RABGAP1L: variants seen among roughly 807,000 people sequenced by gnomAD.
RABGAP1L encodes rab GTPase-activating protein 1-like.
A neutral mutation model predicts 137.7 loss-of-function variants in RABGAP1L; 63 were observed. The ratio of observed to expected loss-of-function variants is 0.46; its 90% CI spans 0.37 to 0.56. RABGAP1L has a LOEUF of 0.56. RABGAP1L is among the 20% of genes least tolerant of loss of function. The pLI is 0.00. For synonymous variants in RABGAP1L, 431 were observed against 433.7 expected, an observed-to-expected ratio of 0.99 and a Z score of 0.08; for missense variants, 1,095 against 1,244.0, an observed-to-expected ratio of 0.88 and a Z score of 1.80.
chr1:174,204,229 G>A (rs888763936), intron 1 of RABGAP1L, among the ~76,000 whole-genome samples: 3 of 152,172 alleles, frequency 2.0e-5, no homozygotes, highest in Non-Finnish European at 2.9e-5. Context: ...GGGATTATAC[G>A]TGTGAGCCAC....
At chr1:174,595,875 G>T (rs1162391154) in intron 13 of RABGAP1L, among the ~76,000 whole-genome samples, 1 of 106,548 alleles carries the variant, frequency 9.4e-6, no homozygotes. Context: ...AGCTGTGGTG[G>T]GCTCCACCCA....
At chr1:174,844,202 T>C (rs983065862) in intron 19 of RABGAP1L, among the ~76,000 whole-genome samples, 2 of 124,776 alleles carry the variant, frequency 1.6e-5, no homozygotes, top group Admixed American at 1.7e-4. Context: ...GTAGTTTCTT[T>C]TGCTGTGCAG....
chr1:174,221,258 C>G, intron 3 of RABGAP1L, 94 bp downstream of exon 3: 1 of 1,013,184 alleles, frequency 9.9e-7, no homozygotes, highest in Non-Finnish European at 1.4e-6. Flanking sequence ...GTTAGCTCTT[C>G]TCAAGCTTTC....
intron 13 of RABGAP1L, among the ~76,000 whole-genome samples, chr1:174,633,633 A>G (rs1361317800): frequency 2.2e-4 from 25 of 116,138 alleles, no homozygotes; most frequent in Admixed American, 4.0e-4. Flanking sequence ...ACTTCAAACT[A>G]TACTACAAGG....
chr1:174,916,555 G>A (rs180741196), intron 19 of RABGAP1L, among the ~76,000 whole-genome samples: 1 of 152,290 alleles, frequency 6.6e-6, no homozygotes, highest in East Asian at 1.9e-4. Flanking sequence ...TTAAAATACA[G>A]GTTAACGAAG....
chr1:174,239,532 A>G (rs953003219), intron 4 of RABGAP1L, among the ~76,000 whole-genome samples: 3 of 152,094 alleles, frequency 2.0e-5, no homozygotes, highest in Non-Finnish European at 4.4e-5. Context: ...TTCCTTGGTT[A>G]TATCATGTAA....
chr1:174,660,764 T>G (rs1213807385), intron 14 of RABGAP1L, among the ~76,000 whole-genome samples: 1 of 152,216 alleles, frequency 6.6e-6, no homozygotes, highest in Admixed American at 6.5e-5. Flanking sequence ...TTAACCTCTC[T>G]GAATCCCTTG....
In RABGAP1L at chr1:174,828,232, A is replaced by G. The variant is rs756526694; in HGVS notation, c.2340+16272A>G. Among the ~76,000 whole-genome samples the G allele has an allele frequency of 7.4e-5, 11 of 147,916 alleles. 1 individual carries two copies. The highest frequency in any genetic ancestry group is 3.3e-3 in the Middle Eastern group (1 of 304). ...CCTGACATTGCTTGTCTGGAGTGCT[A>G]TAACTGTCTCATAACTGGTCTCTCC... On this transcript the variant is annotated intron_variant, in intron 19 of 25. Transcript: ENST00000681986.
At position 174,830,820 on chromosome 1, in the gene RABGAP1L, A is replaced by G. The variant is rs866353441; in HGVS notation, c.2340+18860A>G. 4.0e-5 allele frequency among the ~76,000 whole-genome samples: 6 copies of G among 148,402 alleles called. 1 individual carries two copies. The highest frequency in any genetic ancestry group is 3.6e-3 in the Middle Eastern group (1 of 280). On this transcript the variant is annotated intron_variant, in intron 19 of 25. Transcript: ENST00000681986. ...AAAACAAAAATACTTCACAAAACCA[A>G]TGAATGAGTGAACCTGGCATCAGTT...
intron 13 of RABGAP1L, among the ~76,000 whole-genome samples, chr1:174,496,625 G>A (rs1192839119): frequency 6.6e-6 from 1 of 152,166 alleles, no homozygotes; most frequent in Non-Finnish European, 1.5e-5. Context: ...TTAGTGACCA[G>A]GTCAAGTGAT....
At chr1:174,976,288 TTAAAGCAGTAATG>T in intron 22 of RABGAP1L, 106 bp downstream of exon 22, 1 of 960,556 alleles carries the variant, frequency 1.0e-6, no homozygotes, top group Non-Finnish European at 1.6e-6. Flanking sequence ...AAAGGTGATG[TTAAAGCAGTAATG>T]TAAGTAGTTG....
chr1:174,777,715 T>C (rs1189541209), intron 18 of RABGAP1L, among the ~76,000 whole-genome samples: 1 of 151,884 alleles, frequency 6.6e-6, no homozygotes, highest in East Asian at 1.9e-4. Flanking sequence ...AAATTAAACT[T>C]TAAGAGATAA....
At chr1:174,295,778 C>G (rs914560591) in intron 10 of RABGAP1L, among the ~76,000 whole-genome samples, 1 of 151,874 alleles carries the variant, frequency 6.6e-6, no homozygotes, top group East Asian at 1.9e-4. Context: ...CTTGGCCTCT[C>G]AAAGTCCTGG....
chr1:174,978,771 G>T, intron 22 of RABGAP1L, 36 bp from the exon 23 acceptor site: 4 of 1,508,380 alleles, frequency 2.7e-6, no homozygotes, highest in Non-Finnish European at 3.5e-6. Flanking sequence ...TAAGATTTTG[G>T]CTAAATCCTG....
intron 17 of RABGAP1L, among the ~76,000 whole-genome samples, chr1:174,720,347 A>G (rs959399285): frequency 1.3e-5 from 2 of 150,530 alleles, no homozygotes; most frequent in African/African-American, 5.0e-5. Context: ...TCTGTTGCCC[A>G]GGCTGGAGTG....
At chr1:174,867,530 A>C (rs1055135013) in intron 19 of RABGAP1L, among the ~76,000 whole-genome samples, 7 of 152,304 alleles carry the variant, frequency 4.6e-5, no homozygotes, top group Middle Eastern at 3.4e-3. Flanking sequence ...AGTGAATTGA[A>C]TCTCCTGTCT....
At chr1:174,766,017 G>A (rs1245590835) in intron 18 of RABGAP1L, among the ~76,000 whole-genome samples, 1 of 152,110 alleles carries the variant, frequency 6.6e-6, no homozygotes, top group East Asian at 1.9e-4. Context: ...TCTTTAAAGA[G>A]GTAATTAAGT....
chr1:174,494,073 A>G (rs1172733167), intron 13 of RABGAP1L, among the ~76,000 whole-genome samples: 1 of 152,186 alleles, frequency 6.6e-6, no homozygotes, highest in African/African-American at 2.4e-5. Context: ...GTATATATTT[A>G]GAACATCGTG....
chr1:174,549,459 A>G (rs1186438730), intron 13 of RABGAP1L, among the ~76,000 whole-genome samples: 1 of 152,164 alleles, frequency 6.6e-6, no homozygotes, highest in African/African-American at 2.4e-5. Flanking sequence ...ATGCAATCCT[A>G]TTTAGATATT....
Sources: allele counts gnomAD v4.1 joint callset (sites outside exome capture counted in the v4.1 genomes callset), GRCh38; gene constraint gnomAD v4.1.1; transcripts MANE v1.5; gene names NCBI Gene and HGNC (gene_info 2026-07-23, HGNC 2026-07-21).